RABEP1: variants seen among roughly 807,000 people sequenced by gnomAD.
The protein encoded by RABEP1 is rabaptin, RAB GTPase binding effector protein 1, also known as rab GTPase-binding effector protein 1.
In RABEP1, 51 loss-of-function variants were observed where a neutral mutation model predicts 123.4. The ratio of observed to expected loss-of-function variants is 0.41; its 90% CI spans 0.33 to 0.52. The LOEUF (loss-of-function observed/expected upper bound fraction) is 0.52. RABEP1 is among the 20% of genes least tolerant of loss of function. The pLI is 0.16. For synonymous variants in RABEP1, 347 were observed against 355.2 expected (o/e 0.98, Z 0.26); for missense variants, 888 against 996.3 (o/e 0.89, Z 1.46).
chr17:5,305,303 G>A (rs2075170380), intron 1 of RABEP1, among the ~76,000 whole-genome samples: 1 of 152,040 alleles, frequency 6.6e-6, no homozygotes, highest in Non-Finnish European at 1.5e-5. Flanking sequence ...ACAATTACTC[G>A]ATATACTCTC....
rs11432831 is a variant in RABEP1, at chr17:5,310,301, C to CTTTTTTTTTTTTTTTTTTTTT, written c.163+1497_163+1498insTTTTTTTTTTTTTTTTTTTTT. On this transcript the variant is annotated intron_variant, in intron 2 of 17. Transcript: ENST00000537505. ...TTACAATTTAAATGAAAGCTTCGTC[C>CTTTTTTTTTTTTTTTTTTTTT]TTTTTTTTTTTTTTTTTTGAGATGG... Among the ~76,000 whole-genome samples, 64 of 126,406 alleles carry CTTTTTTTTTTTTTTTTTTTTT rather than the reference C, an allele frequency of 5.1e-4. 4 individuals carry two copies. The highest frequency in any genetic ancestry group is 8.8e-4 in the African/African-American group (29 of 32,810). 82.9% of individuals were successfully genotyped at this position (126,406 alleles called of 152,430 possible). A position where few individuals can be genotyped will look rare whatever the true frequency, so the allele number is the denominator to read the frequency against.
chr17:5,386,255 C>T lies in RABEP1; in HGVS notation c.*3032C>T, dbSNP rs747500412. On this transcript the variant is annotated 3_prime_UTR_variant, in exon 18 of 18. Transcript: ENST00000537505. ...ATCATTGATTTGCTTCACCATTTCCCTTATATGTTCACCCCTGTAAAATTG... is the reference window on the plus strand; with the variant it reads ...ATCATTGATTTGCTTCACCATTTCCTTTATATGTTCACCCCTGTAAAATTG... The T allele has an allele frequency of 1.9e-6, 3 of 1,612,156 alleles. No homozygotes were observed. The highest frequency in any genetic ancestry group is 2.2e-5 in the South Asian group (2 of 90,688).
chr17:5,283,160 C>A (rs902436210), intron 1 of RABEP1, among the ~76,000 whole-genome samples: 2 of 152,022 alleles, frequency 1.3e-5, no homozygotes, highest in Non-Finnish European at 2.9e-5. Flanking sequence ...GAGGTTAATT[C>A]ATGCCTTTAT....
chr17:5,335,143 T>C, intron 3 of RABEP1, 41 bp from the exon 4 acceptor site: 4 of 1,494,962 alleles, frequency 2.7e-6, no homozygotes, highest in Admixed American at 2.2e-5. Context: ...TATTTTTTTT[T>C]CATAATGCTT....
intron 1 of RABEP1, among the ~76,000 whole-genome samples, chr17:5,307,355 TTACTCA>T (rs1176839532): frequency 9.9e-5 from 15 of 152,208 alleles, no homozygotes; most frequent in Admixed American, 9.8e-4. Flanking sequence ...CATAATTCTG[TTACTCA>T]TAGATAAATC....
intron 6 of RABEP1, 78 bp from the exon 7 acceptor site, chr17:5,350,363 GAGCGAGACTC>G: frequency 1.4e-6 from 2 of 1,411,558 alleles, no homozygotes; most frequent in South Asian, 2.8e-5. Flanking sequence ...CTGGGCGACA[GAGCGAGACTC>G]CATCTCAAAA....
intron 13 of RABEP1, among the ~76,000 whole-genome samples, chr17:5,374,431 CTTAATTT>C (rs946889885): frequency 4.0e-5 from 6 of 151,734 alleles, no homozygotes; most frequent in Non-Finnish European, 8.8e-5. Context: ...TTTATCCAAG[CTTAATTT>C]TTAATTTTTA....
intron 5 of RABEP1, among the ~76,000 whole-genome samples, chr17:5,340,948 CAA>C (rs61580974): frequency 5.1e-5 from 6 of 117,880 alleles, no homozygotes; most frequent in Non-Finnish European, 5.6e-5. Flanking sequence ...AACTCCGTCT[CAA>C]AAAAAAAAAA....
chr17:5,362,916 A>C lies in RABEP1; in HGVS notation c.1568A>C (p.His523Pro). The C allele has an allele frequency of 6.2e-7, 1 of 1,611,786 alleles. No individual in the cohort carries two copies. The highest frequency in any genetic ancestry group is 8.5e-7 in the Non-Finnish European group (1 of 1,177,792). Reference protein sequence around the residue: ...TEWNLLQKEVHNAGNKLGRRC... With the variant: ...TEWNLLQKEVPNAGNKLGRRC... ...GGTAATTTTGGTGCCCTTCAGGTAC[A>C]TAATGCTGGAAATAAACTTGGTAGA... is the stretch of plus-strand genomic sequence containing the variant. The change falls in exon 10 of 18, where the codon CAT (histidine) becomes CCT (proline). Residue 523 changes from histidine (H) to proline (P), a missense_variant. Transcript: ENST00000537505.
At chr17:5,350,787 G>C (rs1025582874) in intron 7 of RABEP1, among the ~76,000 whole-genome samples, 158 bp downstream of exon 7, 1 of 152,048 alleles carries the variant, frequency 6.6e-6, no homozygotes, top group African/African-American at 2.4e-5. Flanking sequence ...ACATTTGAGG[G>C]GTTTTGTTTT....
intron 9 of RABEP1, chr17:5,361,960 G>A (rs972968640): frequency 9.2e-6 from 3 of 324,956 alleles, no homozygotes; most frequent in African/African-American, 4.2e-5. Context: ...CTAGCATTGC[G>A]GAATTTAAGT....
At chr17:5,310,954 T>C (rs2075233461) in intron 2 of RABEP1, among the ~76,000 whole-genome samples, 1 of 151,338 alleles carries the variant, frequency 6.6e-6, no homozygotes, top group Non-Finnish European at 1.5e-5. Context: ...GGGCTACAGG[T>C]GTGTGCCACC....
At chr17:5,311,898 CT>C (rs1192436206) in intron 2 of RABEP1, among the ~76,000 whole-genome samples, 1 of 152,036 alleles carries the variant, frequency 6.6e-6, no homozygotes. Context: ...GCCAAGAACC[CT>C]TGGTCTCATG....
chr17:5,283,917 C>CA (rs1274359187), intron 1 of RABEP1: 1 of 152,150 alleles, frequency 6.6e-6, no homozygotes, highest in African/African-American at 2.4e-5. Flanking sequence ...GGTGGGCTGT[C>CA]AGAGAGAGGA....
intron 9 of RABEP1, 23 bp from the exon 10 acceptor site, chr17:5,362,889 G>C: frequency 6.7e-7 from 1 of 1,499,314 alleles, no homozygotes; most frequent in Non-Finnish European, 9.3e-7. Flanking sequence ...TGCCTGATAA[G>C]AGGTAATTTT....
chr17:5,283,169 A>T (rs889546587), intron 1 of RABEP1, among the ~76,000 whole-genome samples: 20 of 152,098 alleles, frequency 1.3e-4, no homozygotes, highest in Admixed American at 7.2e-4. Context: ...TCATGCCTTT[A>T]TATTTTATCT....
At chr17:5,316,832 C>CAAAAAAAA (rs55890740) in intron 2 of RABEP1, among the ~76,000 whole-genome samples, 1 of 67,176 alleles carries the variant, frequency 1.5e-5, no homozygotes, top group Non-Finnish European at 2.6e-5. Context: ...GACTCTGTCT[C>CAAAAAAAA]AAAAAAAAAA....
chr17:5,355,792 A>C (rs1908965270), intron 8 of RABEP1, among the ~76,000 whole-genome samples: 1 of 152,212 alleles, frequency 6.6e-6, no homozygotes, highest in Non-Finnish European at 1.5e-5. Flanking sequence ...AGTAGACACT[A>C]AAAAGTGCTG....
chr17:5,380,056 C>T (rs1911322567), intron 15 of RABEP1, among the ~76,000 whole-genome samples: 1 of 152,210 alleles, frequency 6.6e-6, no homozygotes. Context: ...CAAATGTCAT[C>T]TCCTCTAGGA....
Sources: allele counts gnomAD v4.1 joint callset (sites outside exome capture counted in the v4.1 genomes callset), GRCh38; gene constraint gnomAD v4.1.1; transcripts MANE v1.5; gene names NCBI Gene and HGNC (gene_info 2026-07-23, HGNC 2026-07-21).